SLC6A11: variants seen among roughly 807,000 people sequenced by gnomAD.
SLC6A11 encodes the protein solute carrier family 6 member 11, also known as sodium- and chloride-dependent GABA transporter 3.
In SLC6A11, 25 loss-of-function variants were observed where a neutral mutation model predicts 74.8. That is an observed-to-expected ratio of 0.33 (90% CI 0.24 to 0.47). The LOEUF is 0.47. Among genes scored for constraint, SLC6A11 ranks in the 20% least tolerant of loss-of-function variants. SLC6A11 has a pLI of 1.00. For missense variants in SLC6A11, 574 were observed against 837.0 expected (o/e 0.69, Z 3.88); for synonymous variants, 330 against 330.2 (o/e 1.00, Z 0.01).
chr3:10,855,377 C>T (rs940469693), intron 5 of SLC6A11, among the ~76,000 whole-genome samples: 2 of 152,172 alleles, frequency 1.3e-5, no homozygotes, highest in Non-Finnish European at 2.9e-5. Flanking sequence ...CCCAGATTCT[C>T]CATCCCTTAC....
intron 4 of SLC6A11, among the ~76,000 whole-genome samples, chr3:10,837,547 A>G (rs1694382258): frequency 1.3e-5 from 2 of 152,186 alleles, no homozygotes; most frequent in South Asian, 2.1e-4. Flanking sequence ...TTATCTGTAG[A>G]GTGGAAATAA....
At chr3:10,894,929 AAAAAT>A (rs1334990671) in intron 6 of SLC6A11, among the ~76,000 whole-genome samples, 2 of 152,234 alleles carry the variant, frequency 1.3e-5, no homozygotes, top group Non-Finnish European at 2.9e-5. Flanking sequence ...TTAAAAGTTA[AAAAAT>A]AAAATAATTT....
Position 10,816,568 on chromosome 3 carries a change from G to A in SLC6A11, c.256+47G>A, listed in dbSNP as rs753877398. ...GGGGAGGGGGCGCCAACCGCCCGGTGGGGGCGGGGAGCCAGGGGCGAGCGC... is the reference window on the plus strand; with the variant it reads ...GGGGAGGGGGCGCCAACCGCCCGGTAGGGGCGGGGAGCCAGGGGCGAGCGC... On this transcript the variant is annotated intron_variant, in intron 1 of 13. Transcript: ENST00000254488. This position sits in a 1 kb window ranked among gnomAD's most constrained non-coding sequence, Gnocchi z 4.2. The A allele has an allele frequency of 2.0e-6, 3 of 1,511,792 alleles. No individual in the cohort carries two copies. The South Asian group carries it at 3.8e-5, about 19-fold the overall frequency. The allele number at this position is 1,511,792 out of a possible 1,614,324, so 93.6% of individuals were successfully genotyped here. A position where few individuals can be genotyped will look rare whatever the true frequency, so the allele number is the denominator to read the frequency against.
chr3:10,910,644 A>G (rs1482467720), intron 6 of SLC6A11, among the ~76,000 whole-genome samples: 1 of 151,950 alleles, frequency 6.6e-6, no homozygotes. Flanking sequence ...CTGATTCCAC[A>G]TTGGAAATTC....
At chr3:10,841,619 C>T (rs11716365) in intron 4 of SLC6A11, among the ~76,000 whole-genome samples, 4,841 of 152,292 alleles carry the variant, frequency 0.032, 121 homozygotes, top group East Asian at 0.12. Flanking sequence ...TTCAATTAAG[C>T]GAGAGGGTGC....
At chr3:10,867,176 T>C (rs984406616) in intron 5 of SLC6A11, among the ~76,000 whole-genome samples, 1 of 150,536 alleles carries the variant, frequency 6.6e-6, no homozygotes, top group Non-Finnish European at 1.5e-5. Flanking sequence ...GCTGGGAGAG[T>C]GGGCGATGGA....
chr3:10,835,065 GCCTAT>G (rs1694348887), intron 4 of SLC6A11, among the ~76,000 whole-genome samples: 1 of 152,136 alleles, frequency 6.6e-6, no homozygotes, highest in Admixed American at 6.5e-5. Flanking sequence ...ATGCTCTCGC[GCCTAT>G]CCTGGCCACC....
At chr3:10,827,681 G>A (rs753296658) in intron 4 of SLC6A11, among the ~76,000 whole-genome samples, 29 of 152,084 alleles carry the variant, frequency 1.9e-4, no homozygotes, top group African/African-American at 3.9e-4. Flanking sequence ...AGAAAAGCAC[G>A]GTGTCTTATT....
At chr3:10,929,422 C>T (rs1293536860) in intron 10 of SLC6A11, 83 bp downstream of exon 10, 1 of 1,511,910 alleles carries the variant, frequency 6.6e-7, no homozygotes, top group Non-Finnish European at 9.1e-7. Context: ...AGCTGTGTGA[C>T]CCGGGTCAGG....
At chr3:10,845,432 T>A (rs1454149959) in intron 5 of SLC6A11, among the ~76,000 whole-genome samples, 1 of 152,242 alleles carries the variant, frequency 6.6e-6, no homozygotes, top group Non-Finnish European at 1.5e-5. Context: ...TGGGTTGCAC[T>A]GACCACATCC....
In SLC6A11 at chr3:10,882,863, C is replaced by T. The variant is rs147818470; in HGVS notation, c.891+7768C>T. On this transcript the variant is annotated intron_variant, in intron 6 of 13. Coordinates refer to ENST00000254488, the MANE Select transcript of SLC6A11 (RefSeq NM_014229.3). ...ACCTGTGCATTGTGGGTAAGAATAT[C>T]GGCCGCACAGGGAGGCAGTGGGGCA... Among the ~76,000 whole-genome samples, 804 of 152,266 alleles carry T rather than the reference C, an allele frequency of 5.3e-3. 7 individuals carry two copies. Among genetic ancestry groups the T allele is most frequent in the African/African-American group, 0.018 (766 of 41,544 alleles).
chr3:10,914,952 G>T (rs909292597), intron 7 of SLC6A11, among the ~76,000 whole-genome samples: 1 of 152,108 alleles, frequency 6.6e-6, no homozygotes. Context: ...TGAGGACGTG[G>T]GCTGGATGTT....
chr3:10,840,727 C>T (rs1226756484), intron 4 of SLC6A11, among the ~76,000 whole-genome samples: 2 of 152,152 alleles, frequency 1.3e-5, no homozygotes, highest in Non-Finnish European at 2.9e-5. Flanking sequence ...AAAGTGTGGG[C>T]TCTGGAGCCA....
At chr3:10,842,747 T>A (rs1237271234) in intron 4 of SLC6A11, among the ~76,000 whole-genome samples, 1 of 152,156 alleles carries the variant, frequency 6.6e-6, no homozygotes, top group African/African-American at 2.4e-5. Context: ...TGTATTTAAG[T>A]GGATGTTCCC....
At chr3:10,879,985 A>G (rs1403853337) in intron 6 of SLC6A11, among the ~76,000 whole-genome samples, 1 of 152,216 alleles carries the variant, frequency 6.6e-6, no homozygotes, top group Non-Finnish European at 1.5e-5. Flanking sequence ...TTAAAGGCAA[A>G]TGTTCAAAAA....
At chr3:10,880,956 T>C (rs898677610) in intron 6 of SLC6A11, among the ~76,000 whole-genome samples, 1 of 152,122 alleles carries the variant, frequency 6.6e-6, no homozygotes, top group Non-Finnish European at 1.5e-5. Context: ...TCACCTCTTC[T>C]GGGGTTCCCT....
intron 6 of SLC6A11, among the ~76,000 whole-genome samples, chr3:10,906,343 A>T (rs1035563379): frequency 2.0e-5 from 3 of 152,248 alleles, no homozygotes; most frequent in Non-Finnish European, 2.9e-5. Context: ...CAGCACCTTC[A>T]GCACAATTAG....
chr3:10,931,848 A>G (rs933127125), intron 10 of SLC6A11, among the ~76,000 whole-genome samples: 5 of 152,218 alleles, frequency 3.3e-5, no homozygotes, highest in African/African-American at 1.2e-4. Context: ...AGATGAAGAC[A>G]TGAACGAGTC....
Position 10,926,891 on chromosome 3 carries a change from A to C in SLC6A11, c.1233+775A>C, listed in dbSNP as rs1182317392. ...GCTGGTCCTCACAGCTGTTTTCCCT[A>C]GGAGCCCTGGAGAACTTCCCCCAGC... On this transcript the variant is annotated intron_variant, in intron 9 of 13. Coordinates refer to ENST00000254488, the MANE Select transcript of SLC6A11 (RefSeq NM_014229.3). This position sits in a 1 kb window ranked among gnomAD's most constrained non-coding sequence, Gnocchi z 5.7. 6.6e-6 allele frequency among the ~76,000 whole-genome samples: 1 copy of C among 152,044 alleles called. No individual in the cohort carries two copies. Among genetic ancestry groups the C allele is most frequent in the African/African-American group, 2.4e-5 (1 of 41,412 alleles).
Sources: allele counts gnomAD v4.1 joint callset (sites outside exome capture counted in the v4.1 genomes callset), GRCh38; gene constraint gnomAD v4.1.1; non-coding constraint Gnocchi (gnomAD v3.1); transcripts MANE v1.5; gene names NCBI Gene and HGNC (gene_info 2026-07-23, HGNC 2026-07-21).